The following RNF157 variants were observed in gnomAD, a reference collection of about 807,000 sequenced individuals.
RNF157 encodes ring finger protein 157.
RNF157 carries 55 observed loss-of-function variants against 88.3 expected under a neutral mutation model. The ratio of observed to expected loss-of-function variants is 0.62; its 90% CI spans 0.50 to 0.78. The LOEUF (loss-of-function observed/expected upper bound fraction) is 0.78, where lower values mean the gene tolerates loss of function less well. Among genes scored for constraint, RNF157 ranks in the 30% least tolerant of loss-of-function variants. The probability of loss-of-function intolerance (pLI) is 0.00; values close to 1 mark genes in which losing one functional copy is unlikely to be tolerated. For missense variants in RNF157, 788 were observed against 860.8 expected (o/e 0.92, Z 1.06); for synonymous variants, 334 against 341.2 (o/e 0.98, Z 0.23).
intron 18 of RNF157, among the ~76,000 whole-genome samples, chr17:76,150,137 A>G (rs79453882): frequency 4.7e-5 from 7 of 150,300 alleles, no homozygotes; most frequent in Non-Finnish European, 8.9e-5. Flanking sequence ...AGTCTCACAC[A>G]TATTTTTTTT....
At chr17:76,193,310 T>A (rs2069417524) in intron 2 of RNF157, among the ~76,000 whole-genome samples, 1 of 152,250 alleles carries the variant, frequency 6.6e-6, no homozygotes, top group Non-Finnish European at 1.5e-5. Context: ...GTGATTAGCA[T>A]TAGTGATAAC....
intron 2 of RNF157, among the ~76,000 whole-genome samples, chr17:76,183,255 GA>G (rs1452123693): frequency 6.7e-6 from 1 of 150,284 alleles, no homozygotes; most frequent in Non-Finnish European, 1.5e-5. Flanking sequence ...GAATATTTTT[GA>G]AAACTGCAGA....
chr17:76,203,047 G>A (rs2069613416), intron 2 of RNF157, among the ~76,000 whole-genome samples: 1 of 151,798 alleles, frequency 6.6e-6, no homozygotes, highest in Admixed American at 6.6e-5. Flanking sequence ...CTGGAGTGCA[G>A]TGGCATGATC....
intron 1 of RNF157, among the ~76,000 whole-genome samples, chr17:76,218,709 A>C (rs1251647035): frequency 6.6e-6 from 1 of 152,080 alleles, no homozygotes; most frequent in Non-Finnish European, 1.5e-5. Flanking sequence ...CAAGGTGGGC[A>C]GATCAACTGA....
At position 76,157,069 on chromosome 17, in the gene RNF157, C is replaced by A. The variant is rs571397058; in HGVS notation, c.1414-748G>T. Among the ~76,000 whole-genome samples, 5 of 151,882 alleles carry A rather than the reference C, an allele frequency of 3.3e-5. No individual in the cohort carries two copies. The highest frequency in any genetic ancestry group is 5.9e-5 in the Non-Finnish European group (4 of 67,986). On this transcript the variant is annotated intron_variant, in intron 13 of 18. Coordinates refer to ENST00000269391, the MANE Select transcript of RNF157 (RefSeq NM_052916.3). The surrounding 1 kb of genome is among the most constrained non-coding windows in gnomAD (Gnocchi z 5.6). ...GCAACCCCTGCCTCCTGGGTTCAAGCGATTCTCCTGCCTCAGCCTCCCGAG... is the reference window on the plus strand; with the variant it reads ...GCAACCCCTGCCTCCTGGGTTCAAGAGATTCTCCTGCCTCAGCCTCCCGAG...
At chr17:76,208,736 C>T (rs1334726083) in intron 2 of RNF157, among the ~76,000 whole-genome samples, 1 of 152,112 alleles carries the variant, frequency 6.6e-6, no homozygotes, top group Admixed American at 6.5e-5. Context: ...CTTTGGGAGG[C>T]CGAGATGGGC....
At chr17:76,237,765 C>T (rs1263872901) in intron 1 of RNF157, among the ~76,000 whole-genome samples, 1 of 152,014 alleles carries the variant, frequency 6.6e-6, no homozygotes, top group Non-Finnish European at 1.5e-5. Context: ...CCAGCCTGGG[C>T]AACATAGTGA....
At chr17:76,155,501 C>G (rs2068748710) in intron 15 of RNF157, 61 bp downstream of exon 15, 69 of 1,575,474 alleles carry the variant, frequency 4.4e-5, no homozygotes, top group Non-Finnish European at 5.8e-5. Flanking sequence ...TTTGGTTATG[C>G]TACTTTGGAC....
chr17:76,225,566 T>C (rs2145060601), intron 1 of RNF157, among the ~76,000 whole-genome samples: 1 of 152,196 alleles, frequency 6.6e-6, no homozygotes, highest in East Asian at 1.9e-4. Flanking sequence ...AATGCACATA[T>C]TGATCTGCAA....
chr17:76,240,079 T>C lies in RNF157; in HGVS notation c.88+74A>G. On this transcript the variant is annotated intron_variant, in intron 1 of 18. Coordinates refer to ENST00000269391, the MANE Select transcript of RNF157 (RefSeq NM_052916.3). The surrounding 1 kb of genome is among the most constrained non-coding windows in gnomAD (Gnocchi z 4.4). ...GTCCCCGAAGACCCGCGGGGCCCCCTCAGGCCGTCCCGACCCAGACCCCTG... is the reference window on the plus strand; with the variant it reads ...GTCCCCGAAGACCCGCGGGGCCCCCCCAGGCCGTCCCGACCCAGACCCCTG... 6 of 942,312 alleles carry C rather than the reference T, an allele frequency of 6.4e-6. No homozygotes were observed. The highest frequency in any genetic ancestry group is 8.2e-6 in the Non-Finnish European group (6 of 732,946). The allele number at this position is 942,312 out of a possible 1,614,324, so 58.4% of individuals were successfully genotyped here. A position where few individuals can be genotyped will look rare whatever the true frequency, so the allele number is the denominator to read the frequency against.
At chr17:76,231,447 C>T (rs559462730) in intron 1 of RNF157, among the ~76,000 whole-genome samples, 63 of 152,250 alleles carry the variant, frequency 4.1e-4, no homozygotes, top group African/African-American at 1.5e-3. Flanking sequence ...TTGAGGCCCA[C>T]CACCATGCCT....
intron 1 of RNF157, among the ~76,000 whole-genome samples, chr17:76,221,292 T>C (rs948185401): frequency 1.3e-5 from 2 of 151,926 alleles, no homozygotes; most frequent in Non-Finnish European, 2.9e-5. Context: ...TGACAGCAAA[T>C]ACAACAAAGT....
chr17:76,178,408 C>T (rs1330686002), intron 2 of RNF157, among the ~76,000 whole-genome samples: 2 of 152,254 alleles, frequency 1.3e-5, no homozygotes, highest in South Asian at 2.1e-4. Flanking sequence ...CGGCAGCTGG[C>T]GTGTCTGACT....
intron 1 of RNF157, among the ~76,000 whole-genome samples, chr17:76,216,960 G>A (rs1413732208): frequency 6.6e-6 from 1 of 152,086 alleles, no homozygotes; most frequent in Admixed American, 6.6e-5. Context: ...TATATAAGCT[G>A]TATACTTATA....
At chr17:76,148,291 G>A (rs560879433) in intron 18 of RNF157, among the ~76,000 whole-genome samples, 1 of 143,758 alleles carries the variant, frequency 7.0e-6, no homozygotes, top group Non-Finnish European at 1.5e-5. Flanking sequence ...TTGAGACAGG[G>A]TCTCTTGCTC....
Position 76,240,081 on chromosome 17 carries a change from A to T in RNF157, c.88+72T>A. The stretch of plus-strand genomic sequence containing the variant: ...CCCCGAAGACCCGCGGGGCCCCCTC[A>T]GGCCGTCCCGACCCAGACCCCTGCC... On this transcript the variant is annotated intron_variant, in intron 1 of 18. Coordinates refer to ENST00000269391, the MANE Select transcript of RNF157 (RefSeq NM_052916.3). This position sits in a 1 kb window ranked among gnomAD's most constrained non-coding sequence, Gnocchi z 4.4. 1.1e-6 allele frequency: 1 copy of T among 952,352 alleles called. No homozygotes were observed. The highest frequency in any genetic ancestry group is 1.4e-6 in the Non-Finnish European group (1 of 740,564). The allele number at this position is 952,352 out of a possible 1,614,324, so 59.0% of individuals were successfully genotyped here.
intron 1 of RNF157, chr17:76,225,920 C>T (rs553391299): frequency 3.9e-4 from 635 of 1,613,188 alleles, no homozygotes; most frequent in Non-Finnish European, 5.1e-4. Flanking sequence ...CTTCTTCTGG[C>T]GGTACCTAGT....
intron 18 of RNF157, 189 bp from the exon 19 acceptor site, chr17:76,145,542 C>G (rs2068572087): frequency 1.8e-6 from 1 of 551,224 alleles, no homozygotes. Context: ...AGGTGCAGAG[C>G]CTGCTCCTGC....
intron 13 of RNF157, among the ~76,000 whole-genome samples, chr17:76,156,951 CCTT>C (rs999620879): frequency 1.2e-4 from 19 of 152,072 alleles, no homozygotes; most frequent in South Asian, 2.1e-4. Flanking sequence ...TTCACGCAGT[CCTT>C]CTTTTTTTTT....
Sources: gnomAD v4.1 joint callset for allele counts (sites outside exome capture counted in the v4.1 genomes callset) on GRCh38, gnomAD v4.1.1 for gene constraint, Gnocchi (gnomAD v3.1) non-coding constraint, MANE v1.5 for transcripts, NCBI Gene and HGNC (gene_info 2026-07-23, HGNC 2026-07-21) for gene names.